CDH13: variants seen among roughly 807,000 people sequenced by gnomAD.
CDH13 encodes the protein cadherin-13.
A neutral mutation model predicts 63.8 loss-of-function variants in CDH13; 24 were observed. The ratio of observed to expected loss-of-function variants is 0.38; its 90% CI spans 0.27 to 0.53. The LOEUF (loss-of-function observed/expected upper bound fraction) is 0.53, where lower values mean the gene tolerates loss of function less well. Ranked by LOEUF, CDH13 falls within the 20% of genes least tolerant of loss-of-function variation. The pLI, the probability that CDH13 is intolerant of heterozygous loss-of-function variation, is 0.85. For missense variants in CDH13, 1,049 were observed against 903.1 expected (o/e 1.16, Z -2.07); for synonymous variants, 503 against 355.3 (o/e 1.42, Z -4.67).
chr16:83,111,171 CAA>C (rs11368028), intron 3 of CDH13, among the ~76,000 whole-genome samples: 1 of 147,280 alleles, frequency 6.8e-6, no homozygotes, highest in African/African-American at 2.5e-5. Context: ...GACTCCGTCT[CAA>C]AAAAAAAAGA....
At chr16:83,665,531 C>G (rs1913866873) in intron 8 of CDH13, among the ~76,000 whole-genome samples, 1 of 152,182 alleles carries the variant, frequency 6.6e-6, no homozygotes, top group African/African-American at 2.4e-5. Context: ...CTGATGGTCT[C>G]TCCCCTACCC....
chr16:82,789,892 T>C (rs2036208064), intron 1 of CDH13, among the ~76,000 whole-genome samples: 1 of 152,128 alleles, frequency 6.6e-6, no homozygotes, highest in Non-Finnish European at 1.5e-5. Flanking sequence ...GGCACGCTCC[T>C]GCGGAGGAAG....
intron 3 of CDH13, among the ~76,000 whole-genome samples, chr16:83,051,211 G>A (rs999600362): frequency 1.3e-5 from 2 of 152,114 alleles, no homozygotes; most frequent in African/African-American, 4.8e-5. Context: ...AACCTGCTTT[G>A]TCACTTTCAG....
chr16:82,956,977 G>T (rs958579130), intron 2 of CDH13, among the ~76,000 whole-genome samples: 1 of 152,130 alleles, frequency 6.6e-6, no homozygotes, highest in African/African-American at 2.4e-5. Context: ...GTGGAGACAG[G>T]GGTGGAGAGA....
chr16:83,446,852 G>A (rs1324049999), intron 6 of CDH13, among the ~76,000 whole-genome samples: 3 of 151,790 alleles, frequency 2.0e-5, no homozygotes, highest in Admixed American at 6.6e-5. Flanking sequence ...CTTTTGGGGG[G>A]CTTTTAAAAG....
At chr16:83,276,652 C>T (rs796513470) in intron 5 of CDH13, among the ~76,000 whole-genome samples, 50 of 152,156 alleles carry the variant, frequency 3.3e-4, no homozygotes, top group Middle Eastern at 6.8e-3. Flanking sequence ...GGGAGGATCA[C>T]GAGTTCGGGA....
At chr16:83,122,667 G>C (rs1183736492) in intron 3 of CDH13, among the ~76,000 whole-genome samples, 1 of 152,164 alleles carries the variant, frequency 6.6e-6, no homozygotes, top group Non-Finnish European at 1.5e-5. Context: ...CTCATGAAGA[G>C]AGTTGCTTTT....
At chr16:82,652,629 G>A (rs1238464119) in intron 1 of CDH13, among the ~76,000 whole-genome samples, 1 of 68,274 alleles carries the variant, frequency 1.5e-5, no homozygotes, top group Non-Finnish European at 2.8e-5. Flanking sequence ...GATATTGGAA[G>A]CTGCTGCTGC....
chr16:83,363,268 T>G (rs2091198243), intron 6 of CDH13, among the ~76,000 whole-genome samples: 1 of 152,230 alleles, frequency 6.6e-6, no homozygotes, highest in African/African-American at 2.4e-5. Flanking sequence ...ACTTGATAGT[T>G]GGCATCTCTG....
At chr16:83,022,875 A>G (rs1363193380) in intron 2 of CDH13, 1 of 152,252 alleles carries the variant, frequency 6.6e-6, no homozygotes, top group African/African-American at 2.4e-5. Flanking sequence ...TAAGAATAGC[A>G]CAAAATTCAT....
At chr16:83,785,830 G>C (rs114833661) in intron 13 of CDH13, among the ~76,000 whole-genome samples, 1,694 of 152,216 alleles carry the variant, frequency 0.011, 41 homozygotes, top group African/African-American at 0.039. Context: ...AGCCTCACCA[G>C]GTGGTCCGAA....
chr16:82,821,728 G>T (rs1197034058), intron 1 of CDH13, among the ~76,000 whole-genome samples: 1 of 152,200 alleles, frequency 6.6e-6, no homozygotes, highest in Non-Finnish European at 1.5e-5. Flanking sequence ...ACCCTGTTTG[G>T]GGACTGGGGA....
intron 1 of CDH13, among the ~76,000 whole-genome samples, chr16:82,778,946 C>G (rs1279110528): frequency 6.6e-6 from 1 of 152,036 alleles, no homozygotes; most frequent in African/African-American, 2.4e-5. Flanking sequence ...AGGAAATGAT[C>G]AGGAATTAGC....
At chr16:83,685,343 G>T (rs1195704102) in intron 10 of CDH13, among the ~76,000 whole-genome samples, 1 of 152,102 alleles carries the variant, frequency 6.6e-6, no homozygotes, top group East Asian at 1.9e-4. Context: ...GAACCTTTCT[G>T]CTTAATAAAT....
At chr16:83,711,660 T>G (rs935144751) in intron 10 of CDH13, among the ~76,000 whole-genome samples, 1 of 152,120 alleles carries the variant, frequency 6.6e-6, no homozygotes, top group Admixed American at 6.5e-5. Context: ...GGATTACGTG[T>G]GCATACCACT....
chr16:83,567,917 A>C (rs561469656), intron 7 of CDH13, among the ~76,000 whole-genome samples: 43 of 152,266 alleles, frequency 2.8e-4, no homozygotes, highest in African/African-American at 9.9e-4. Flanking sequence ...TTAACCCTGT[A>C]AATTCTGTTG....
intron 8 of CDH13, among the ~76,000 whole-genome samples, chr16:83,658,207 G>T: frequency 8.0e-6 from 1 of 125,210 alleles, no homozygotes; most frequent in Non-Finnish European, 1.7e-5. Context: ...AAGGTCTCAT[G>T]TCCTCACCAC....
intron 5 of CDH13, among the ~76,000 whole-genome samples, chr16:83,224,085 T>A (rs529941497): frequency 1.3e-5 from 2 of 152,282 alleles, no homozygotes; most frequent in South Asian, 2.1e-4. Context: ...TGAGAACATA[T>A]GATGTTTGGT....
chr16:83,567,872 G>A (rs577958858), intron 7 of CDH13, among the ~76,000 whole-genome samples: 40 of 152,332 alleles, frequency 2.6e-4, no homozygotes, highest in African/African-American at 9.4e-4. Flanking sequence ...TGGGATTACA[G>A]GCATGAGCCA....
Sources: allele counts gnomAD v4.1 joint callset (sites outside exome capture counted in the v4.1 genomes callset), GRCh38; gene constraint gnomAD v4.1.1; transcripts MANE v1.5; gene names NCBI Gene and HGNC (gene_info 2026-07-23, HGNC 2026-07-21).